JARID2: variants seen among roughly 807,000 people sequenced by gnomAD.
The protein encoded by JARID2 is jumonji and AT-rich interaction domain containing 2, also known as protein Jumonji.
Under a neutral mutation model 125.6 loss-of-function variants are expected in JARID2, and 21 were observed. The observed-to-expected ratio is 0.17, with a 90% CI of 0.12 to 0.24. The LOEUF is 0.24. Among genes scored for constraint, JARID2 ranks in the 10% least tolerant of loss-of-function variants. The pLI is 1.00. For synonymous variants in JARID2, 736 were observed against 661.6 expected (o/e 1.11, Z -1.73); for missense variants, 1,303 against 1,639.6 (o/e 0.79, Z 3.55).
intron 17 of JARID2, among the ~76,000 whole-genome samples, chr6:15,519,495 C>T (rs1255447897): frequency 6.6e-6 from 1 of 152,072 alleles, no homozygotes; most frequent in African/African-American, 2.4e-5. Flanking sequence ...GAGAGATGCT[C>T]ATAAGATGCA....
intron 1 of JARID2, among the ~76,000 whole-genome samples, chr6:15,250,340 C>T (rs1759395120): frequency 1.3e-5 from 2 of 152,136 alleles, no homozygotes; most frequent in Admixed American, 6.5e-5. Flanking sequence ...TGTTTTAAAA[C>T]TTATTCATCA....
At chr6:15,296,109 C>G (rs1166143714) in intron 1 of JARID2, among the ~76,000 whole-genome samples, 1 of 152,232 alleles carries the variant, frequency 6.6e-6, no homozygotes, top group Non-Finnish European at 1.5e-5. Context: ...CTTGCTTCTT[C>G]TCAACCCAGA....
intron 7 of JARID2, among the ~76,000 whole-genome samples, chr6:15,498,103 G>A (rs996623242): frequency 7.9e-5 from 12 of 152,118 alleles, no homozygotes; most frequent in Non-Finnish European, 1.5e-4. Context: ...GAATTTGGAG[G>A]GATCACCATG....
chr6:15,256,538 C>G (rs978495904), intron 1 of JARID2, among the ~76,000 whole-genome samples: 4 of 152,204 alleles, frequency 2.6e-5, no homozygotes, highest in Non-Finnish European at 4.4e-5. Context: ...CGAATCTAAA[C>G]CAACTTTGTT....
chr6:15,272,380 T>C (rs547393100), intron 1 of JARID2, among the ~76,000 whole-genome samples: 2 of 152,238 alleles, frequency 1.3e-5, no homozygotes, highest in South Asian at 4.1e-4. Flanking sequence ...AATTTCTGCG[T>C]AGAGCTCTTA....
intron 3 of JARID2, among the ~76,000 whole-genome samples, chr6:15,450,556 C>G (rs1233925956): frequency 1.3e-5 from 2 of 152,190 alleles, no homozygotes; most frequent in Admixed American, 1.3e-4. Flanking sequence ...AGGTCTATTT[C>G]AATCCCTGTA....
intron 3 of JARID2, among the ~76,000 whole-genome samples, chr6:15,436,962 G>T (rs1767232369): frequency 6.6e-6 from 1 of 151,978 alleles, no homozygotes; most frequent in African/African-American, 2.4e-5. Context: ...TGCACTTCTG[G>T]AGCTCTAAAT....
intron 6 of JARID2, among the ~76,000 whole-genome samples, chr6:15,495,617 G>A (rs781313851): frequency 2.0e-5 from 3 of 152,154 alleles, no homozygotes; most frequent in Admixed American, 6.5e-5. Context: ...TTTAGCCATA[G>A]ATTTCTAAAT....
In JARID2 at chr6:15,496,574, CGGA is replaced by C. The variant is rs1561904385; in HGVS notation, c.1351_1353del (p.Glu451del). The C allele has an allele frequency of 1.8e-5, 29 of 1,603,964 alleles. No individual in the cohort carries two copies. Among genetic ancestry groups the C allele is most frequent in the Non-Finnish European group, 2.0e-5 (23 of 1,176,570 alleles). On this transcript the variant is annotated inframe_deletion, in exon 7 of 18. Coordinates refer to ENST00000341776, the MANE Select transcript of JARID2 (RefSeq NM_004973.4). The stretch of plus-strand genomic sequence containing the variant: ...AGGAGACTGGAAGAGGCACACCAGG[CGGA>C]GAAGCCGCAGTCGCCCCCCAAGAAG...
chr6:15,279,627 C>T (rs71551046), intron 1 of JARID2, among the ~76,000 whole-genome samples: 3,258 of 152,296 alleles, frequency 0.021, 70 homozygotes, highest in Non-Finnish European at 0.027. Flanking sequence ...TTAGCTTTCC[C>T]AGCACAACTT....
At chr6:15,299,972 A>G (rs1224382786) in intron 1 of JARID2, among the ~76,000 whole-genome samples, 1 of 152,126 alleles carries the variant, frequency 6.6e-6, no homozygotes, top group African/African-American at 2.4e-5. Context: ...GGGATTCTGC[A>G]TATCTCTTGA....
At chr6:15,426,751 G>T (rs1766746123) in intron 3 of JARID2, among the ~76,000 whole-genome samples, 1 of 152,196 alleles carries the variant, frequency 6.6e-6, no homozygotes, top group South Asian at 2.1e-4. Context: ...ACCCCCAGAG[G>T]ATGAGGTGAC....
intron 1 of JARID2, among the ~76,000 whole-genome samples, chr6:15,269,086 A>G (rs565035247): frequency 2.0e-5 from 3 of 152,302 alleles, no homozygotes; most frequent in Admixed American, 6.5e-5. Flanking sequence ...CTGAACCATC[A>G]TGTCTTTGGT....
chr6:15,359,911 C>A (rs1763733326), intron 1 of JARID2, among the ~76,000 whole-genome samples: 1 of 151,794 alleles, frequency 6.6e-6, no homozygotes, highest in African/African-American at 2.4e-5. Flanking sequence ...GGTCTTGAAC[C>A]CCTGACCTCA....
chr6:15,381,440 A>G (rs1180011832), intron 2 of JARID2, among the ~76,000 whole-genome samples: 1 of 151,692 alleles, frequency 6.6e-6, no homozygotes, highest in Non-Finnish European at 1.5e-5. Context: ...TAGGGAGACC[A>G]GTTGCAGCTT....
chr6:15,489,579 G>A (rs1255600316), intron 6 of JARID2, among the ~76,000 whole-genome samples: 1 of 152,356 alleles, frequency 6.6e-6, no homozygotes, highest in African/African-American at 2.4e-5. Context: ...GTTGGACAGA[G>A]GAAAGAGCTG....
chr6:15,246,242 G>GT lies in JARID2; in HGVS notation c.-289dup, dbSNP rs917051139. ...AAAGGGGGGGGAGTGAAGGGCGTCG[G>GT]TTTTTTTTTGTGTGTGTGTGTATGT... On this transcript the variant is annotated 5_prime_UTR_variant, in exon 1 of 18. Coordinates refer to ENST00000341776, the MANE Select transcript of JARID2 (RefSeq NM_004973.4). The GT allele has an allele frequency of 4.2e-3, 1,926 of 455,104 alleles. 2 individuals carry two copies. The highest frequency in any genetic ancestry group is 8.0e-3 in the African/African-American group (389 of 48,562). 28.2% of individuals were successfully genotyped at this position (455,104 alleles called of 1,614,324 possible).
At chr6:15,474,040 C>T (rs1004719320) in intron 5 of JARID2, among the ~76,000 whole-genome samples, 1 of 152,202 alleles carries the variant, frequency 6.6e-6, no homozygotes, top group Non-Finnish European at 1.5e-5. Context: ...GCTGTGCTGC[C>T]TTCCCCAGTC....
intron 1 of JARID2, among the ~76,000 whole-genome samples, chr6:15,253,669 T>A (rs1561748129): frequency 6.6e-6 from 1 of 152,034 alleles, no homozygotes; most frequent in East Asian, 1.9e-4. Context: ...ATTTTACTAT[T>A]TTAAGGGTGC....
Sources: allele counts gnomAD v4.1 joint callset (sites outside exome capture counted in the v4.1 genomes callset), GRCh38; gene constraint gnomAD v4.1.1; transcripts MANE v1.5; gene names NCBI Gene and HGNC (gene_info 2026-07-23, HGNC 2026-07-21).